DISP1: variants seen among roughly 807,000 people sequenced by gnomAD.
DISP1 encodes the protein protein dispatched homolog 1.
DISP1 carries 30 observed loss-of-function variants against 37.3 expected under a neutral mutation model. The ratio of observed to expected loss-of-function variants is 0.80; its 90% CI spans 0.60 to 1.09. DISP1 has a LOEUF of 1.09. Ranked by LOEUF, DISP1 falls within the 50% of genes least tolerant of loss-of-function variation. The pLI, the probability that DISP1 is intolerant of heterozygous loss-of-function variation, is 0.00. For synonymous variants in DISP1, 634 were observed against 690.2 expected (o/e 0.92, Z 1.28); for missense variants, 1,598 against 1,879.5 (o/e 0.85, Z 2.77).
In DISP1 at chr1:223,004,632, G is replaced by T. The variant is rs76611705; in HGVS notation, c.3235G>T (p.Val1079Leu). 6.8e-6 allele frequency: 11 copies of T among 1,613,924 alleles called. No individual in the cohort carries two copies. Among genetic ancestry groups the T allele is most frequent in the South Asian group, 3.3e-5 (3 of 91,048 alleles). Residue 1079 changes from valine to leucine, a missense_variant, in exon 9 of 9, where the codon GTG (valine) becomes TTG (leucine). Val to Leu is a conservative substitution (Grantham distance 32). Coordinates refer to ENST00000675850, the MANE Select transcript of DISP1 (RefSeq NM_001377229.1). The surrounding 1 kb of genome is among the most constrained non-coding windows in gnomAD (Gnocchi z 4.9). Reference sequence around the variant, plus strand: ...CAAAGTGATCTTCTCTCTGAGTCGCGTGGGCTCTGCGATGGCCATGGCTGC... The same window carrying T: ...CAAAGTGATCTTCTCTCTGAGTCGCTTGGGCTCTGCGATGGCCATGGCTGC... ...EGKVIFSLSRVGSAMAMAALT... is the reference protein window; with the variant it reads ...EGKVIFSLSRLGSAMAMAALT...
At chr1:222,837,597 T>C (rs1049360616) in intron 1 of DISP1, among the ~76,000 whole-genome samples, 1 of 152,172 alleles carries the variant, frequency 6.6e-6, no homozygotes, top group African/African-American at 2.4e-5. Flanking sequence ...ATCATGAAAA[T>C]AGTTTCTATT....
intron 1 of DISP1, among the ~76,000 whole-genome samples, chr1:222,896,878 A>G (rs555500891): frequency 3.2e-4 from 48 of 152,354 alleles, no homozygotes; most frequent in African/African-American, 1.1e-3. Context: ...GAATGGCTAA[A>G]ATGAAAAAGA....
At chr1:222,833,210 ATTGTCT>A (rs1441530968) in intron 1 of DISP1, among the ~76,000 whole-genome samples, 15 of 152,192 alleles carry the variant, frequency 9.9e-5, no homozygotes, top group African/African-American at 3.6e-4. Context: ...TAGATATCTG[ATTGTCT>A]TTGAGAATAG....
intron 1 of DISP1, among the ~76,000 whole-genome samples, chr1:222,855,270 G>C (rs1668486176): frequency 6.6e-6 from 1 of 152,110 alleles, no homozygotes. Flanking sequence ...AAACCTTTTT[G>C]TAGAAAGGAA....
chr1:222,878,396 G>A (rs1020156066), intron 1 of DISP1, among the ~76,000 whole-genome samples: 3 of 152,140 alleles, frequency 2.0e-5, no homozygotes, highest in African/African-American at 7.2e-5. Flanking sequence ...CAAAGTTAAA[G>A]CCTAAAATGG....
intron 1 of DISP1, among the ~76,000 whole-genome samples, chr1:222,867,266 G>T (rs1669246896): frequency 6.6e-6 from 1 of 152,018 alleles, no homozygotes; most frequent in Non-Finnish European, 1.5e-5. Context: ...CATTTTTATT[G>T]TTTTCAAGAT....
In DISP1 at chr1:223,005,418, A is replaced by G; in HGVS notation, c.4021A>G (p.Arg1341Gly). ...CCACCACTGTCCCTGCCTGCAGGGC[A>G]GAGTAAAGCCAGCCGGAATGCAGAA... ...HIHHCPCLQG[R>G]VKPAGMQNSL... The change falls in exon 9 of 9, where the codon AGA (arginine) becomes GGA (glycine). Residue 1341 changes from arginine to glycine, a missense_variant. Physicochemically the swap from Arg to Gly is moderately radical, Grantham distance 125. Transcript: ENST00000675850. The G allele has an allele frequency of 6.2e-7, 1 of 1,613,596 alleles. No individual in the cohort carries two copies. Among genetic ancestry groups the G allele is most frequent in the Non-Finnish European group, 8.5e-7 (1 of 1,180,038 alleles).
chr1:222,886,308 A>G lies in DISP1; in HGVS notation c.-158-42122A>G, dbSNP rs558361466. On this transcript the variant is annotated intron_variant, in intron 1 of 8. Coordinates refer to ENST00000675850, the MANE Select transcript of DISP1 (RefSeq NM_001377229.1). ...TGAGGTTTATTAGGCAATAATACCA[A>G]TGATAGGAGCAGCTACCACACCTGT... Among the ~76,000 whole-genome samples the G allele has an allele frequency of 3.9e-5, 6 of 152,372 alleles. No individual in the cohort carries two copies. The East Asian group carries it at 9.6e-4, about 24-fold the overall frequency.
At chr1:222,868,219 T>TAA (rs140791197) in intron 1 of DISP1, among the ~76,000 whole-genome samples, 72 of 146,630 alleles carry the variant, frequency 4.9e-4, no homozygotes, top group African/African-American at 1.7e-3. Flanking sequence ...CCTCATCTCT[T>TAA]AAAAAAAAAA....
chr1:222,819,997 A>T (rs1662405066), intron 1 of DISP1, among the ~76,000 whole-genome samples: 1 of 152,120 alleles, frequency 6.6e-6, no homozygotes, highest in South Asian at 2.1e-4. Context: ...CCTTTCATTT[A>T]TGTTCACCAA....
At chr1:222,914,396 T>C (rs1672376729) in intron 1 of DISP1, among the ~76,000 whole-genome samples, 1 of 152,158 alleles carries the variant, frequency 6.6e-6, no homozygotes, top group Non-Finnish European at 1.5e-5. Context: ...GATTATAAGT[T>C]TTCTTTGGAA....
chr1:222,827,160 T>A (rs1393076403), intron 1 of DISP1: 1 of 152,222 alleles, frequency 6.6e-6, no homozygotes, highest in Non-Finnish European at 1.5e-5. Context: ...TCTGTACCGG[T>A]AGAGACAAAC....
chr1:222,858,191 A>G (rs933122643), intron 1 of DISP1, among the ~76,000 whole-genome samples: 1 of 152,334 alleles, frequency 6.6e-6, no homozygotes, highest in South Asian at 2.1e-4. Flanking sequence ...TGGGGAAAGG[A>G]TTCCCTATTT....
chr1:223,002,754 A>G lies in DISP1; in HGVS notation c.1357A>G (p.Met453Val). 1.2e-6 allele frequency: 2 copies of G among 1,614,152 alleles called. No individual in the cohort carries two copies. Among genetic ancestry groups the G allele is most frequent in the Non-Finnish European group, 1.7e-6 (2 of 1,180,038 alleles). Residue 453 changes from methionine to valine, a missense_variant, in exon 9 of 9, where the codon ATG becomes GTG. By Grantham distance (21) the Met-to-Val change is conservative. Coordinates refer to ENST00000675850, the MANE Select transcript of DISP1 (RefSeq NM_001377229.1). ...DYATPALKYS[M>V]LFSPTEKGES... ...TGCCACGCCAGCTTTAAAATACAGC[A>G]TGCTCTTCTCTCCCACAGAGAAAGG...
intron 4 of DISP1, chr1:222,989,472 G>T: frequency 1.0e-6 from 1 of 985,392 alleles, no homozygotes; most frequent in Non-Finnish European, 1.2e-6. Flanking sequence ...AAATAATAAC[G>T]TGTGATCCAG....
At chr1:222,922,607 G>T (rs781249536) in intron 1 of DISP1, among the ~76,000 whole-genome samples, 4 of 152,162 alleles carry the variant, frequency 2.6e-5, no homozygotes, top group Non-Finnish European at 4.4e-5. Flanking sequence ...GGAAAATCAA[G>T]AAGTTGTTTG....
In DISP1 at chr1:223,003,209, T is replaced by A; in HGVS notation, c.1812T>A (p.Ala604=). 2 of 1,614,252 alleles carry A rather than the reference T, an allele frequency of 1.2e-6. No homozygotes were observed. Among genetic ancestry groups the A allele is most frequent in the African/African-American group, 1.3e-5 (1 of 75,070 alleles). The change falls in exon 9 of 9, where the codon GCT becomes GCA. Residue 604 remains alanine (A), a synonymous_variant. Coordinates refer to ENST00000675850, the MANE Select transcript of DISP1 (RefSeq NM_001377229.1). The surrounding 1 kb of genome is among the most constrained non-coding windows in gnomAD (Gnocchi z 4.3). ...SETVSITLQH[A]ALSMFVTSFT... ...CAGTAAGCATCACCTTGCAGCACGC[T>A]GCCCTCTCCATGTTCGTCACCAGTT...
chr1:222,864,632 G>A (rs1180989180), intron 1 of DISP1, among the ~76,000 whole-genome samples: 1 of 151,976 alleles, frequency 6.6e-6, no homozygotes, highest in Admixed American at 6.6e-5. Context: ...TTTGATATGG[G>A]CAACATCATT....
chr1:222,941,313 G>C (rs1376504599), intron 2 of DISP1, among the ~76,000 whole-genome samples: 2 of 152,158 alleles, frequency 1.3e-5, no homozygotes, highest in Admixed American at 1.3e-4. Context: ...GAAGGAGAGA[G>C]CAACTGTATT....
Sources: gnomAD v4.1 joint callset for allele counts (sites outside exome capture counted in the v4.1 genomes callset) on GRCh38, gnomAD v4.1.1 for gene constraint, Gnocchi (gnomAD v3.1) non-coding constraint, MANE v1.5 for transcripts, NCBI Gene and HGNC (gene_info 2026-07-23, HGNC 2026-07-21) for gene names.